The following AKAP13 variants were observed in gnomAD, a reference collection of about 807,000 sequenced individuals.
The protein encoded by AKAP13 is A-kinase anchoring protein 13, also known as A-kinase anchor protein 13.
A neutral mutation model predicts 264.5 loss-of-function variants in AKAP13; 80 were observed. The ratio of observed to expected loss-of-function variants is 0.30; its 90% CI spans 0.25 to 0.36. The LOEUF is 0.36. Among genes scored for constraint, AKAP13 ranks in the 10% least tolerant of loss-of-function variants. The pLI is 1.00. For synonymous variants in AKAP13, 1,380 were observed against 1,250.2 expected, an observed-to-expected ratio of 1.10 and a Z score of -2.19; for missense variants, 3,712 against 3,435.2, an observed-to-expected ratio of 1.08 and a Z score of -2.01.
chr15:85,628,679 T>C (rs2081547546), intron 8 of AKAP13, among the ~76,000 whole-genome samples: 1 of 152,154 alleles, frequency 6.6e-6, no homozygotes, highest in South Asian at 2.1e-4. Flanking sequence ...CAGTTTTTTT[T>C]TCAGTTACAG....
chr15:85,427,285 A>C (rs554778107), intron 1 of AKAP13, among the ~76,000 whole-genome samples: 1 of 152,130 alleles, frequency 6.6e-6, no homozygotes, highest in South Asian at 2.1e-4. Flanking sequence ...ATAAGAATTG[A>C]AACCTTGCTC....
At chr15:85,427,778 G>C (rs1241539584) in intron 1 of AKAP13, among the ~76,000 whole-genome samples, 5 of 152,178 alleles carry the variant, frequency 3.3e-5, no homozygotes, top group Non-Finnish European at 1.5e-5. Flanking sequence ...GCTTTTAGTT[G>C]ACCATAATAA....
At chr15:85,387,398 A>T (rs1459624280) in intron 1 of AKAP13, among the ~76,000 whole-genome samples, 1 of 152,050 alleles carries the variant, frequency 6.6e-6, no homozygotes, top group African/African-American at 2.4e-5. Flanking sequence ...TGGTAGGATA[A>T]CCACTCACTG....
chr15:85,443,772 A>AAGT lies in AKAP13; in HGVS notation c.-11-41938_-11-41937insAGT, dbSNP rs1491134630. 6.2e-3 allele frequency among the ~76,000 whole-genome samples: 906 copies of AAGT among 146,020 alleles called. 5 individuals carry two copies. Among genetic ancestry groups the AAGT allele is most frequent in the Non-Finnish European group, 6.1e-3 (405 of 66,232 alleles). ...CACTGGTTTCATGTAAAAAAAAAAA[A>AAGT]GTGTGTGTGTGTGTGTGTGTGTGTA... On this transcript the variant is annotated intron_variant, in intron 1 of 36. Transcript: ENST00000394518.
At position 85,415,190 on chromosome 15, in the gene AKAP13, A is replaced by G. The variant is rs777366687; in HGVS notation, c.-12+34392A>G. ...TGACAGCACGCTGCCACGCCGACGC[A>G]GACCCCGCTCTGCACGCCAGCTCGC... On this transcript the variant is annotated intron_variant, in intron 1 of 36. Transcript: ENST00000394518. The G allele has an allele frequency of 3.0e-4, 406 of 1,335,354 alleles. 4 individuals carry two copies. The highest frequency in any genetic ancestry group is 2.5e-4 in the Middle Eastern group (1 of 3,986). 82.7% of individuals were successfully genotyped at this position (1,335,354 alleles called of 1,614,324 possible).
rs912435552 is a variant in AKAP13 at position 85,581,643 on chromosome 15, C to G, written c.3575C>G (p.Ala1192Gly). Reference protein sequence around the residue: ...EAHPVLLQPVAKELPTDMELS... With the variant: ...EAHPVLLQPVGKELPTDMELS... ...CATCCTGTCCTACTGCAGCCTGTTG[C>G]CAAGGAGCTCCCCACAGACATGGAG... Residue 1192 changes from alanine (A) to glycine (G), a missense_variant, in exon 7 of 37, where the codon GCC becomes GGC. Physicochemically the swap from Ala to Gly is moderately conservative, Grantham distance 60. Coordinates refer to ENST00000394518, the MANE Select transcript of AKAP13 (RefSeq NM_007200.5). 2.5e-6 allele frequency: 4 copies of G among 1,614,034 alleles called. No individual in the cohort carries two copies. The highest frequency in any genetic ancestry group is 3.4e-6 in the Non-Finnish European group (4 of 1,180,038).
At chr15:85,501,781 T>C (rs1055065963) in intron 2 of AKAP13, among the ~76,000 whole-genome samples, 2 of 152,216 alleles carry the variant, frequency 1.3e-5, no homozygotes, top group Admixed American at 1.3e-4. Flanking sequence ...ACCTAGGCTT[T>C]TAATGATGTC....
At chr15:85,630,487 C>T (rs914230961) in intron 8 of AKAP13, among the ~76,000 whole-genome samples, 2 of 152,156 alleles carry the variant, frequency 1.3e-5, no homozygotes, top group African/African-American at 4.8e-5. Context: ...GGCTTATTGA[C>T]CGACCTAACA....
intron 33 of AKAP13, among the ~76,000 whole-genome samples, chr15:85,738,164 G>C (rs1489644390): frequency 2.0e-5 from 3 of 151,996 alleles, no homozygotes; most frequent in Non-Finnish European, 4.4e-5. Context: ...TTGGGAGGCC[G>C]AGGTGGGTGG....
Position 85,434,420 on chromosome 15 carries a change from G to A in AKAP13, c.-11-51290G>A, listed in dbSNP as rs1414712832. Among the ~76,000 whole-genome samples the A allele has an allele frequency of 2.3e-4, 35 of 152,342 alleles. No individual in the cohort carries two copies. The South Asian group carries it at 7.2e-3, about 32-fold the overall frequency. On this transcript the variant is annotated intron_variant, in intron 1 of 36. Transcript: ENST00000394518. ...GGGGCGCCCGCCATTGCCCAGGCTTGATTAGGTAAACAAAGCAGCCGGGAA... is the reference window on the plus strand; with the variant it reads ...GGGGCGCCCGCCATTGCCCAGGCTTAATTAGGTAAACAAAGCAGCCGGGAA...
At chr15:85,539,912 C>G (rs2077527563) in intron 4 of AKAP13, among the ~76,000 whole-genome samples, 1 of 151,864 alleles carries the variant, frequency 6.6e-6, no homozygotes, top group Admixed American at 6.6e-5. Context: ...CTGTAAGAAA[C>G]AAAAAAATGT....
chr15:85,638,023 C>T (rs557450618), intron 8 of AKAP13, among the ~76,000 whole-genome samples: 1 of 150,638 alleles, frequency 6.6e-6, no homozygotes, highest in South Asian at 2.1e-4. Context: ...CGACTGCAGG[C>T]GCCTGCCACC....
rs2083498062 is a variant in AKAP13 at position 85,664,664 on chromosome 15, T to C, written c.4901T>C (p.Phe1634Ser). The C allele has an allele frequency of 1.2e-6, 2 of 1,614,112 alleles. No individual in the cohort carries two copies. Among genetic ancestry groups the C allele is most frequent in the East Asian group, 4.5e-5 (2 of 44,870 alleles). The change falls in exon 13 of 37, where the codon TTC (phenylalanine) becomes TCC (serine). Residue 1634 changes from phenylalanine to serine, a missense_variant. Phe to Ser is a radical substitution (Grantham distance 155). This residue lies in a region of AKAP13 where 2,759 missense variants were observed against 2,411.7 expected (regional missense o/e 1.14). Coordinates refer to ENST00000394518, the MANE Select transcript of AKAP13 (RefSeq NM_007200.5). ...SANAEELRHP[F>S]SGEERVDSLV... is the part of the protein sequence containing the mutation. ...AATGCCGAAGAGCTCAGACACCCAT[T>C]CAGTGGTGAGGAACGGGTTGACTCT...
Position 85,664,687 on chromosome 15 carries a change from T to A in AKAP13, c.4924T>A (p.Ser1642Thr). 6.2e-7 allele frequency: 1 copy of A among 1,614,122 alleles called. No homozygotes were observed. The highest frequency in any genetic ancestry group is 8.5e-7 in the Non-Finnish European group (1 of 1,179,980). Residue 1642 changes from serine to threonine, a missense_variant, in exon 13 of 37, where the codon TCT becomes ACT. Transcript: ENST00000394518. ...ATTCAGTGGTGAGGAACGGGTTGAC[T>A]CTTTGGTGTCACTTTCAGAAGAGGA... ...HPFSGEERVD[S>T]LVSLSEEDLE...
intron 17 of AKAP13, among the ~76,000 whole-genome samples, chr15:85,696,551 A>G (rs1229147156): frequency 1.3e-5 from 2 of 152,162 alleles, no homozygotes; most frequent in African/African-American, 2.4e-5. Flanking sequence ...CCCTCCTTGC[A>G]GTGTGCCAGT....
At chr15:85,502,360 C>G (rs937636068) in intron 2 of AKAP13, among the ~76,000 whole-genome samples, 1 of 152,150 alleles carries the variant, frequency 6.6e-6, no homozygotes, top group Admixed American at 6.5e-5. Context: ...TGAATACTTA[C>G]TAAACATCAG....
intron 9 of AKAP13, among the ~76,000 whole-genome samples, chr15:85,640,312 C>G (rs766033201): frequency 1.3e-5 from 2 of 152,036 alleles, no homozygotes; most frequent in African/African-American, 4.8e-5. Flanking sequence ...ACCCAGCAAG[C>G]CTCTGTTTGC....
intron 2 of AKAP13, among the ~76,000 whole-genome samples, chr15:85,488,961 A>G (rs568506426): frequency 6.6e-6 from 1 of 152,356 alleles, no homozygotes; most frequent in Non-Finnish European, 1.5e-5. Context: ...AAAATTAGTG[A>G]TAAAGGATAC....
intron 1 of AKAP13, among the ~76,000 whole-genome samples, chr15:85,483,638 A>G (rs1049137872): frequency 9.0e-6 from 1 of 110,552 alleles, no homozygotes; most frequent in Non-Finnish European, 1.8e-5. Context: ...GTCTCAAAAA[A>G]AAAAAAAAAA....
Sources: gnomAD v4.1 joint callset for allele counts (sites outside exome capture counted in the v4.1 genomes callset) on GRCh38, gnomAD v4.1.1 for gene constraint, gnomAD v4.1.1 regional missense constraint, MANE v1.5 for transcripts, NCBI Gene and HGNC (gene_info 2026-07-23, HGNC 2026-07-21) for gene names.